Variants in NID1 observed in about 807,000 individuals in gnomAD.
NID1 encodes the protein nidogen-1.
A neutral mutation model predicts 130.6 loss-of-function variants in NID1; 76 were observed. That is an observed-to-expected ratio of 0.58 (90% CI 0.48 to 0.70). The LOEUF (loss-of-function observed/expected upper bound fraction) is 0.70. NID1 is among the 30% of genes least tolerant of loss of function. The pLI is 0.00. For synonymous variants in NID1, 665 were observed against 675.1 expected (o/e 0.98, Z 0.23); for missense variants, 1,517 against 1,664.8 (o/e 0.91, Z 1.54).
rs548409768 is a variant in NID1 at position 236,015,373 on chromosome 1, G to A, written c.2254+1775C>T. Among the ~76,000 whole-genome samples the A allele has an allele frequency of 6.7e-4, 102 of 152,250 alleles. No homozygotes were observed. The South Asian group carries it at 0.018, about 26-fold the overall frequency. ...TCTCCCTCAAATATGTAGGCCGGGC[G>A]TGGTGGCTTACACCTGTAATCCCAG... is the stretch of plus-strand genomic sequence containing the variant. On this transcript the variant is annotated intron_variant, in intron 10 of 19. Transcript: ENST00000264187.
chr1:236,059,929 G>A (rs776845917), intron 1 of NID1, among the ~76,000 whole-genome samples: 2 of 151,842 alleles, frequency 1.3e-5, no homozygotes, highest in Non-Finnish European at 2.9e-5. Flanking sequence ...GTGAAACCCC[G>A]TCTCTACTAA....
intron 12 of NID1, among the ~76,000 whole-genome samples, chr1:235,999,764 C>T (rs1240090011): frequency 1.3e-5 from 2 of 152,002 alleles, no homozygotes; most frequent in East Asian, 1.9e-4. Context: ...AGAGTGTAAA[C>T]CAAAAATAAA....
At position 236,038,200 on chromosome 1, in the gene NID1, A is replaced by G; in HGVS notation, c.1189T>C (p.Cys397Arg). 1 of 1,613,828 alleles carries G rather than the reference A, an allele frequency of 6.2e-7. No individual in the cohort carries two copies. Among genetic ancestry groups the G allele is most frequent in the South Asian group, 1.1e-5 (1 of 91,038 alleles). Reference protein sequence around the residue: ...RQTCANNRHQCSVHAECRDYA... With the variant: ...RQTCANNRHQRSVHAECRDYA... The stretch of plus-strand genomic sequence containing the variant: ...TCCCTGCACTCTGCGTGCACCGAGC[A>G]CTGGTGTCTGTTGTTAGCACACGTC... Residue 397 changes from cysteine (C) to arginine (R), a missense_variant, in exon 5 of 20, where the codon TGC becomes CGC. By Grantham distance (180) the Cys-to-Arg change is radical. This residue lies in a region of NID1 where 1,329 missense variants were observed against 1,429.2 expected (regional missense o/e 0.93). Transcript: ENST00000264187.
chr1:236,045,320 T>A, intron 3 of NID1, 137 bp downstream of exon 3: 3 of 587,728 alleles, frequency 5.1e-6, no homozygotes, highest in South Asian at 2.4e-5. Context: ...AGAAAAAGAG[T>A]ATCTCATAAT....
chr1:236,046,425 A>G (rs920393026), intron 2 of NID1, among the ~76,000 whole-genome samples: 8 of 152,156 alleles, frequency 5.3e-5, no homozygotes, highest in African/African-American at 1.9e-4. Flanking sequence ...AGGAGCCGTA[A>G]GAGGAAGCGT....
intron 3 of NID1, 77 bp from the exon 4 acceptor site, chr1:236,042,369 C>G: frequency 6.5e-7 from 1 of 1,529,830 alleles, no homozygotes; most frequent in Non-Finnish European, 8.8e-7. Context: ...AGAGGGAGCC[C>G]TGAGGATCTG....
In NID1 at chr1:236,045,603, C is replaced by A. The variant is rs373012851; in HGVS notation, c.606G>T (p.Gln202His). ...CCTTCTTTGAGAATGTCGTATGGAA[C>A]TGCAGACCATCCTCAGGATAAAGGA... is the stretch of plus-strand genomic sequence containing the variant. ...AIFLYPEDGL[Q>H]FHTTFSKKEN... is the part of the protein sequence containing the mutation. The change falls in exon 3 of 20, where the codon CAG becomes CAT. Residue 202 changes from glutamine (Q) to histidine (H), a missense_variant. Gln to His is a conservative substitution (Grantham distance 24). This residue lies in a region of NID1 where 1,329 missense variants were observed against 1,429.2 expected (regional missense o/e 0.93). Coordinates refer to ENST00000264187, the MANE Select transcript of NID1 (RefSeq NM_002508.3). 1.2e-5 allele frequency: 20 copies of A among 1,614,176 alleles called. No homozygotes were observed. The highest frequency in any genetic ancestry group is 1.6e-4 in the Middle Eastern group (1 of 6,062).
intron 12 of NID1, among the ~76,000 whole-genome samples, chr1:235,997,311 C>T (rs901325683): frequency 2.0e-5 from 3 of 152,176 alleles, no homozygotes; most frequent in African/African-American, 7.2e-5. Flanking sequence ...TGTTTCATAC[C>T]TCAATGAATG....
At chr1:236,050,725 G>A (rs1659742176) in intron 1 of NID1, among the ~76,000 whole-genome samples, 1 of 152,142 alleles carries the variant, frequency 6.6e-6, no homozygotes, top group African/African-American at 2.4e-5. Flanking sequence ...ACAATCCACT[G>A]ATGACATGGA....
chr1:236,046,525 C>T (rs1659606014), intron 2 of NID1, among the ~76,000 whole-genome samples: 1 of 151,408 alleles, frequency 6.6e-6, no homozygotes, highest in Non-Finnish European at 1.5e-5. Flanking sequence ...AATGAACAAG[C>T]AGGAGGAAGC....
intron 2 of NID1, among the ~76,000 whole-genome samples, chr1:236,046,465 C>T (rs762714590): frequency 9.9e-5 from 15 of 151,942 alleles, no homozygotes; most frequent in Non-Finnish European, 1.6e-4. Context: ...GAGTGCATCC[C>T]ATGCCAGGAG....
intron 3 of NID1, among the ~76,000 whole-genome samples, chr1:236,043,887 A>G (rs961407382): frequency 6.6e-6 from 1 of 152,202 alleles, no homozygotes; most frequent in Non-Finnish European, 1.5e-5. Flanking sequence ...TGGTGCTTAA[A>G]GGATATGGTG....
intron 3 of NID1, among the ~76,000 whole-genome samples, chr1:236,044,184 C>A (rs1049695386): frequency 1.3e-5 from 2 of 152,118 alleles, no homozygotes; most frequent in African/African-American, 4.8e-5. Flanking sequence ...GCCTGGGATT[C>A]AAGTAAAGAC....
chr1:236,029,310 A>G (rs1213848325), intron 7 of NID1, among the ~76,000 whole-genome samples: 1 of 152,378 alleles, frequency 6.6e-6, no homozygotes, highest in East Asian at 1.9e-4. Context: ...CTTAAATGTC[A>G]TAATAATTAT....
chr1:236,058,839 T>G (rs1659968007), intron 1 of NID1, among the ~76,000 whole-genome samples: 1 of 152,156 alleles, frequency 6.6e-6, no homozygotes, highest in African/African-American at 2.4e-5. Flanking sequence ...AACAGGGTCC[T>G]TTTACAAATA....
intron 1 of NID1, among the ~76,000 whole-genome samples, chr1:236,062,980 C>A (rs1660083241): frequency 6.7e-6 from 1 of 150,336 alleles, no homozygotes; most frequent in South Asian, 2.1e-4. Context: ...ATGGTGAAAT[C>A]CCGTCTATAC....
In NID1 at chr1:236,032,576, C is replaced by T; in HGVS notation, c.1362G>A (p.Glu454=). 6.2e-7 allele frequency: 1 copy of T among 1,614,086 alleles called. No homozygotes were observed. Among genetic ancestry groups the T allele is most frequent in the Non-Finnish European group, 8.5e-7 (1 of 1,180,026 alleles). ...CTACGTAAGAGTGGAGGTCAGTGTT[C>T]TCAAAGACAATGGGGACCTGGCTGC... The part of the protein sequence containing the change: ...VGSSQVPIVF[E]NTDLHSYVVM... The change falls in exon 6 of 20, where the codon GAG becomes GAA. Residue 454 remains glutamate (E), a synonymous_variant. Transcript: ENST00000264187.
At chr1:236,003,046 A>G (rs1658124961) in intron 12 of NID1, among the ~76,000 whole-genome samples, 1 of 152,044 alleles carries the variant, frequency 6.6e-6, no homozygotes, top group Non-Finnish European at 1.5e-5. Context: ...TCCTGCTGCT[A>G]GTTATCACTG....
In NID1 at chr1:236,038,199, C is replaced by T. The variant is rs753726909; in HGVS notation, c.1190G>A (p.Cys397Tyr). 6.2e-7 allele frequency: 1 copy of T among 1,613,796 alleles called. No individual in the cohort carries two copies. Among genetic ancestry groups the T allele is most frequent in the Non-Finnish European group, 8.5e-7 (1 of 1,179,720 alleles). Reference protein sequence around the residue: ...RQTCANNRHQCSVHAECRDYA... With the variant: ...RQTCANNRHQYSVHAECRDYA... ...GTCCCTGCACTCTGCGTGCACCGAG[C>T]ACTGGTGTCTGTTGTTAGCACACGT... Residue 397 changes from cysteine (C) to tyrosine (Y), a missense_variant, in exon 5 of 20, where the codon TGC becomes TAC. By Grantham distance (194) the Cys-to-Tyr change is radical. Coordinates refer to ENST00000264187, the MANE Select transcript of NID1 (RefSeq NM_002508.3).
Sources: gnomAD v4.1 joint callset for allele counts (sites outside exome capture counted in the v4.1 genomes callset) on GRCh38, gnomAD v4.1.1 for gene constraint, gnomAD v4.1.1 regional missense constraint, MANE v1.5 for transcripts, NCBI Gene and HGNC (gene_info 2026-07-23, HGNC 2026-07-21) for gene names.